Variants in FOXP1 observed in about 807,000 individuals in gnomAD.
FOXP1 encodes forkhead box P1.
A neutral mutation model predicts 98.2 loss-of-function variants in FOXP1; 15 were observed. The observed-to-expected ratio is 0.15, with a 90% CI of 0.10 to 0.24. The LOEUF is 0.24. Ranked by LOEUF, FOXP1 falls within the 10% of genes least tolerant of loss-of-function variation. The pLI, the probability that FOXP1 is intolerant of heterozygous loss-of-function variation, is 1.00. For synonymous variants in FOXP1, 371 were observed against 314.5 expected, an observed-to-expected ratio of 1.18 and a Z score of -1.90; for missense variants, 633 against 848.5, an observed-to-expected ratio of 0.75 and a Z score of 3.15.
chr3:71,408,526 T>C (rs997782111), intron 3 of FOXP1, among the ~76,000 whole-genome samples: 5 of 152,182 alleles, frequency 3.3e-5, no homozygotes, highest in African/African-American at 1.2e-4. Flanking sequence ...GAAAATATCA[T>C]TCCCAATGGG....
At chr3:71,280,067 G>A (rs899685758) in intron 5 of FOXP1, among the ~76,000 whole-genome samples, 2 of 144,610 alleles carry the variant, frequency 1.4e-5, no homozygotes, top group African/African-American at 2.6e-5. Flanking sequence ...AGGTTGCAGC[G>A]AGCTGAGACT....
chr3:71,469,517 C>A (rs771843010), intron 3 of FOXP1, among the ~76,000 whole-genome samples: 1 of 152,138 alleles, frequency 6.6e-6, no homozygotes, highest in African/African-American at 2.4e-5. Flanking sequence ...AGGAAAGAAG[C>A]AAATTTCTTG....
intron 2 of FOXP1, among the ~76,000 whole-genome samples, chr3:71,521,664 C>T (rs1024312297): frequency 1.3e-5 from 2 of 152,194 alleles, no homozygotes; most frequent in Non-Finnish European, 2.9e-5. Context: ...ACTAGACAGA[C>T]TTTATTTTTA....
In FOXP1 at chr3:70,955,017, A is replaced by G. The variant is rs2031437980; in HGVS notation, c.*4230T>C. 4.3e-6 allele frequency: 1 copy of G among 232,220 alleles called. No individual in the cohort carries two copies. Among genetic ancestry groups the G allele is most frequent in the African/African-American group, 2.2e-5 (1 of 45,278 alleles). 14.4% of individuals were successfully genotyped at this position (232,220 alleles called of 1,614,324 possible). ...GCGTGAGCTACACTGGGCCCAAGAA[A>G]TGCCTTCAGCATTGTAAATCTGATT... is the stretch of plus-strand genomic sequence containing the variant. On this transcript the variant is annotated 3_prime_UTR_variant, in exon 21 of 21. Transcript: ENST00000649528.
rs80043762 is a variant in FOXP1, at chr3:71,378,225, G to C, written c.-167-18981C>G. On this transcript the variant is annotated intron_variant, in intron 3 of 20. Transcript: ENST00000649528. ...AGCTTCTCTTCCTTTTGCCAGGGGA[G>C]GGGAAATACTAGTATCAGTAACTAA... Among the ~76,000 whole-genome samples the C allele has an allele frequency of 9.7e-4, 147 of 152,112 alleles. 1 individual carries two copies. Among genetic ancestry groups the C allele is most frequent in the African/African-American group, 3.4e-3 (140 of 41,468 alleles).
intron 5 of FOXP1, among the ~76,000 whole-genome samples, chr3:71,243,626 C>G (rs1189388801): frequency 6.6e-6 from 1 of 152,210 alleles, no homozygotes; most frequent in Non-Finnish European, 1.5e-5. Context: ...ATTCCCTCTT[C>G]TAATCACCAA....
chr3:71,057,938 C>T (rs187777440), intron 7 of FOXP1, among the ~76,000 whole-genome samples: 1 of 152,304 alleles, frequency 6.6e-6, no homozygotes, highest in Non-Finnish European at 1.5e-5. Context: ...CCCATACACA[C>T]TGCTGTGTAA....
chr3:71,483,016 T>C (rs757310356), intron 3 of FOXP1, among the ~76,000 whole-genome samples: 4 of 151,888 alleles, frequency 2.6e-5, no homozygotes, highest in Non-Finnish European at 5.9e-5. Flanking sequence ...TTTTTCTTAT[T>C]TTTTGTAGAG....
intron 5 of FOXP1, among the ~76,000 whole-genome samples, chr3:71,257,876 A>C (rs2068767679): frequency 6.6e-6 from 1 of 152,168 alleles, no homozygotes; most frequent in South Asian, 2.1e-4. Flanking sequence ...TTCTGGACCT[A>C]AGTTTTCTCA....
chr3:71,298,408 T>C (rs1163527663), intron 5 of FOXP1, among the ~76,000 whole-genome samples: 1 of 151,452 alleles, frequency 6.6e-6, no homozygotes, highest in East Asian at 1.9e-4. Context: ...GAGGTTGCAG[T>C]GAGCCGAGAT....
intron 6 of FOXP1, among the ~76,000 whole-genome samples, chr3:71,177,842 T>TTTC (rs1553769060): frequency 1.5e-5 from 2 of 131,668 alleles, no homozygotes; most frequent in Middle Eastern, 3.8e-3. Context: ...CTTTCTTTCT[T>TTTC]TTTTTTTTTT....
At position 71,101,876 on chromosome 3, in the gene FOXP1, A is replaced by C. The variant is rs140807326; in HGVS notation, c.282+10660T>G. Among the ~76,000 whole-genome samples the C allele has an allele frequency of 3.1e-3, 473 of 152,244 alleles. 7 individuals carry two copies. The highest frequency in any genetic ancestry group is 0.011 in the African/African-American group (462 of 41,534). On this transcript the variant is annotated intron_variant, in intron 7 of 20. Coordinates refer to ENST00000649528, the MANE Select transcript of FOXP1 (RefSeq NM_001349338.3). ...AGCTCTGTCTGCTTGAATATTTACC[A>C]AAGTTCTTCAATGGGACATAATGTA... is the stretch of plus-strand genomic sequence containing the variant.
intron 2 of FOXP1, among the ~76,000 whole-genome samples, chr3:71,502,666 C>A (rs2041484948): frequency 1.3e-5 from 2 of 152,108 alleles, no homozygotes; most frequent in Admixed American, 1.3e-4. Context: ...GAATTATATT[C>A]ATAATGATGA....
At chr3:71,247,180 T>A (rs2067817879) in intron 5 of FOXP1, among the ~76,000 whole-genome samples, 1 of 152,224 alleles carries the variant, frequency 6.6e-6, no homozygotes, top group African/African-American at 2.4e-5. Context: ...ATCATTTTCA[T>A]TATGTATTAT....
intron 5 of FOXP1, among the ~76,000 whole-genome samples, chr3:71,232,877 C>CAAA (rs59404230): frequency 0.048 from 1,500 of 31,384 alleles, 133 homozygotes; most frequent in African/African-American, 0.15. Context: ...AACTCTGTCT[C>CAAA]AAAAAAAAAA....
intron 4 of FOXP1, among the ~76,000 whole-genome samples, chr3:71,308,803 GT>G (rs1560283282): frequency 2.9e-4 from 39 of 136,360 alleles, no homozygotes; most frequent in African/African-American, 9.6e-4. Flanking sequence ...GTGTGTGTGT[GT>G]GTGGGTGAGG....
At chr3:71,422,291 C>T (rs2083717787) in intron 3 of FOXP1, among the ~76,000 whole-genome samples, 1 of 152,218 alleles carries the variant, frequency 6.6e-6, no homozygotes, top group Non-Finnish European at 1.5e-5. Context: ...TCCCCCTTTT[C>T]ACTCCTATTA....
chr3:71,203,122 C>T (rs928462789), intron 5 of FOXP1, among the ~76,000 whole-genome samples: 1 of 152,190 alleles, frequency 6.6e-6, no homozygotes, highest in Non-Finnish European at 1.5e-5. Context: ...GTCCTTCTTC[C>T]AGAAACAAGA....
intron 2 of FOXP1, among the ~76,000 whole-genome samples, chr3:71,548,981 G>A (rs550376637): frequency 1.3e-5 from 2 of 152,198 alleles, no homozygotes; most frequent in East Asian, 3.9e-4. Flanking sequence ...ACATATCCAA[G>A]GTTAATAAGA....
Sources: allele counts gnomAD v4.1 joint callset (sites outside exome capture counted in the v4.1 genomes callset), GRCh38; gene constraint gnomAD v4.1.1; transcripts MANE v1.5; gene names NCBI Gene and HGNC (gene_info 2026-07-23, HGNC 2026-07-21).